Variants in AMTN observed in about 807,000 individuals in gnomAD.
AMTN encodes amelotin.
AMTN carries 29 observed loss-of-function variants against 27.4 expected under a neutral mutation model. The observed-to-expected ratio is 1.06, with a 90% CI of 0.79 to 1.44. The LOEUF (loss-of-function observed/expected upper bound fraction) is 1.44. AMTN is among the 40% of genes most tolerant of loss of function. AMTN has a pLI of 0.00. For synonymous variants in AMTN, 86 were observed against 95.7 expected (o/e 0.90, Z 0.59); for missense variants, 247 against 248.8 (o/e 0.99, Z 0.05).
chr4:70,528,949 T>C lies in AMTN; in HGVS notation c.330+191T>C, dbSNP rs1444692676. Among the ~76,000 whole-genome samples, 3 of 152,320 alleles carry C rather than the reference T, an allele frequency of 2.0e-5. No homozygotes were observed. In the East Asian group the frequency reaches 5.8e-4, roughly 29 times the overall value. ...ACATCCACTTAATGATAGAAAAATA[T>C]ATACTTTTTGGATGGAGATTAACTC... is the stretch of plus-strand genomic sequence containing the variant. On this transcript the variant is annotated intron_variant, in intron 6 of 8. Coordinates refer to ENST00000339336, the MANE Select transcript of AMTN (RefSeq NM_212557.4).
chr4:70,528,872 TGG>T, intron 6 of AMTN, 114 bp downstream of exon 6: 1 of 852,066 alleles, frequency 1.2e-6, no homozygotes, highest in Non-Finnish European at 1.8e-6. Context: ...TTGTACTGTA[TGG>T]ACACTGATAA....
intron 4 of AMTN, among the ~76,000 whole-genome samples, chr4:70,524,203 T>A (rs1736045117): frequency 1.3e-5 from 2 of 152,130 alleles, no homozygotes; most frequent in Admixed American, 6.6e-5. Flanking sequence ...CTCTCTCCAT[T>A]CCTCCACCAT....
intron 2 of AMTN, among the ~76,000 whole-genome samples, chr4:70,521,485 G>A (rs1455232907): frequency 6.7e-6 from 1 of 149,156 alleles, no homozygotes; most frequent in Non-Finnish European, 1.5e-5. Flanking sequence ...TTTTCACAGG[G>A]TCACTCTGGC....
At chr4:70,524,713 TTTC>T (rs1343825652) in intron 4 of AMTN, among the ~76,000 whole-genome samples, 156 bp from the exon 5 acceptor site, 1 of 152,228 alleles carries the variant, frequency 6.6e-6, no homozygotes, top group East Asian at 1.9e-4. Context: ...AGTCTTTAAA[TTTC>T]ATCTTTGTGT....
intron 2 of AMTN, among the ~76,000 whole-genome samples, chr4:70,522,421 C>G (rs923973457): frequency 6.6e-6 from 1 of 152,012 alleles, no homozygotes; most frequent in Non-Finnish European, 1.5e-5. Flanking sequence ...CAAATGTGCA[C>G]AGAGCTAAGG....
At chr4:70,519,600 C>A (rs2109767662) in intron 2 of AMTN, among the ~76,000 whole-genome samples, 1 of 152,176 alleles carries the variant, frequency 6.6e-6, no homozygotes, top group African/African-American at 2.4e-5. Flanking sequence ...TAAAAACTTT[C>A]TATATGCCAG....
At chr4:70,522,468 G>T (rs1316035009) in intron 2 of AMTN, among the ~76,000 whole-genome samples, 1 of 152,126 alleles carries the variant, frequency 6.6e-6, no homozygotes, top group Non-Finnish European at 1.5e-5. Context: ...AAAAGAGAAA[G>T]AAAGGTACAG....
Position 70,521,555 on chromosome 4 carries a change from TTA to T in AMTN, c.55-1192_55-1191del, listed in dbSNP as rs1297563211. On this transcript the variant is annotated intron_variant, in intron 2 of 8. Transcript: ENST00000339336. ...GACTTACTTACAAAATTTATATATA[TTA>T]TATATATGTATTTTATGTATATATA... Among the ~76,000 whole-genome samples, 4 of 147,710 alleles carry T rather than the reference TTA, an allele frequency of 2.7e-5. No homozygotes were observed. In the Admixed American group the frequency reaches 2.7e-4, roughly 10 times the overall value.
intron 5 of AMTN, among the ~76,000 whole-genome samples, chr4:70,527,340 C>A (rs1736121519): frequency 6.6e-6 from 1 of 152,156 alleles, no homozygotes; most frequent in Non-Finnish European, 1.5e-5. Context: ...ACAGTTTTTA[C>A]TTAGACATCT....
intron 2 of AMTN, among the ~76,000 whole-genome samples, chr4:70,522,512 A>G (rs35391697): frequency 0.35 from 53,371 of 151,842 alleles, 10,651 homozygotes; most frequent in Admixed American, 0.46. Context: ...ACCACAAGAC[A>G]TCCCATCTGC....
At chr4:70,529,406 A>G (rs1736167467) in intron 7 of AMTN, among the ~76,000 whole-genome samples, 196 bp downstream of exon 7, 1 of 152,050 alleles carries the variant, frequency 6.6e-6, no homozygotes, top group Non-Finnish European at 1.5e-5. Context: ...CTACTTTTCT[A>G]TTAATTTGAC....
Position 70,531,132 on chromosome 4 carries a change from G to C in AMTN, c.451G>C (p.Gly151Arg), listed in dbSNP as rs762928865. 1 of 1,614,070 alleles carries C rather than the reference G, an allele frequency of 6.2e-7. No individual in the cohort carries two copies. Among genetic ancestry groups the C allele is most frequent in the South Asian group, 1.1e-5 (1 of 91,082 alleles). Reference sequence around the variant, plus strand: ...AGGGGCTAATCCAGATGTCCAGGATGGAAGCCTTCCAGCAGGAGGAGCAGG... The same window carrying C: ...AGGGGCTAATCCAGATGTCCAGGATCGAAGCCTTCCAGCAGGAGGAGCAGG... ...QAGANPDVQDGSLPAGGAGVN... is the reference protein window; with the variant it reads ...QAGANPDVQDRSLPAGGAGVN... Residue 151 changes from glycine to arginine, a missense_variant, in exon 8 of 9, where the codon GGA becomes CGA. Transcript: ENST00000339336.
intron 5 of AMTN, among the ~76,000 whole-genome samples, chr4:70,525,509 A>T (rs146913483): frequency 2.0e-5 from 3 of 152,196 alleles, no homozygotes; most frequent in Admixed American, 2.0e-4. Context: ...TAAACGACAT[A>T]CTTTAGGCAT....
At chr4:70,527,391 C>A (rs906797490) in intron 5 of AMTN, among the ~76,000 whole-genome samples, 14 of 152,154 alleles carry the variant, frequency 9.2e-5, no homozygotes, top group Non-Finnish European at 1.5e-4. Context: ...TCCACTCCAA[C>A]TTTCCATTAA....
chr4:70,523,437 A>G (rs1451986055), intron 3 of AMTN, among the ~76,000 whole-genome samples: 2 of 152,340 alleles, frequency 1.3e-5, no homozygotes, highest in East Asian at 3.9e-4. Context: ...TTTGTGAAGT[A>G]ATATAATCAG....
chr4:70,532,117 T>G (rs1736238718), intron 8 of AMTN, among the ~76,000 whole-genome samples: 1 of 152,198 alleles, frequency 6.6e-6, no homozygotes, highest in South Asian at 2.1e-4. Flanking sequence ...CACTCACTGA[T>G]GGAGCCTCAG....
chr4:70,518,975 A>G lies in AMTN; in HGVS notation c.54+144A>G, dbSNP rs567120093. On this transcript the variant is annotated intron_variant, in intron 2 of 8. Transcript: ENST00000339336. ...GTGTCCAGTGTTTATTTTCCAAGAC[A>G]GAAAATGACAAGCTAATAAGCTGTT... The G allele has an allele frequency of 4.0e-5, 29 of 723,698 alleles. No homozygotes were observed. The East Asian group carries it at 6.6e-4, about 17-fold the overall frequency. The allele number at this position is 723,698 out of a possible 1,614,324, so 44.8% of individuals were successfully genotyped here.
Position 70,522,847 on chromosome 4 carries a change from C to T in AMTN, c.138+9C>T, listed in dbSNP as rs750973162. 2 of 1,612,472 alleles carry T rather than the reference C, an allele frequency of 1.2e-6. No individual in the cohort carries two copies. The highest frequency in any genetic ancestry group is 2.2e-5 in the East Asian group (1 of 44,840). The stretch of plus-strand genomic sequence containing the variant: ...AACAGCAGTCAAATCAGGTAAGAGT[C>T]CTACAATATGGAACATGTACAAACC... On this transcript the variant is annotated intron_variant, in intron 3 of 8. Transcript: ENST00000339336.
At chr4:70,523,751 C>A (rs569501432) in intron 3 of AMTN, 117 bp from the exon 4 acceptor site, 2 of 858,830 alleles carry the variant, frequency 2.3e-6, no homozygotes, top group South Asian at 3.3e-5. Context: ...TCTTTATTTA[C>A]CTTCATGGTA....
Sources: gnomAD v4.1 joint callset for allele counts (sites outside exome capture counted in the v4.1 genomes callset) on GRCh38, gnomAD v4.1.1 for gene constraint, MANE v1.5 for transcripts, NCBI Gene and HGNC (gene_info 2026-07-23, HGNC 2026-07-21) for gene names.